BAG6: variants seen among roughly 807,000 people sequenced by gnomAD.
The protein encoded by BAG6 is large proline-rich protein BAG6.
Under a neutral mutation model 121.0 loss-of-function variants are expected in BAG6, and 22 were observed. That is an observed-to-expected ratio of 0.18 (90% CI 0.13 to 0.26). The LOEUF (loss-of-function observed/expected upper bound fraction) is 0.26, where lower values mean the gene tolerates loss of function less well. BAG6 is among the 10% of genes least tolerant of loss of function. The pLI is 1.00. For missense variants in BAG6, 1,233 were observed against 1,537.7 expected (o/e 0.80, Z 3.31); for synonymous variants, 583 against 584.6 (o/e 1.00, Z 0.04).
In BAG6 at chr6:31,641,184, G is replaced by A. The variant is rs760481358; in HGVS notation, c.2707C>T (p.Leu903=). 1 of 1,613,912 alleles carries A rather than the reference G, an allele frequency of 6.2e-7. No individual in the cohort carries two copies. Among genetic ancestry groups the A allele is most frequent in the South Asian group, 1.1e-5 (1 of 91,082 alleles). ...ARLLELCNQG[L]FECLALNLHC... ...AGGTTTAGGGCCAGGCATTCAAACA[G>A]GCCTTGGTTACACAACTCCAGCAAC... The change falls in exon 20 of 26, where the codon CTG becomes TTG. Residue 903 remains leucine (L), a synonymous_variant. Transcript: ENST00000676615. This position sits in a 1 kb window ranked among gnomAD's most constrained non-coding sequence, Gnocchi z 5.7.
Position 31,643,075 on chromosome 6 carries a change from G to A in BAG6, c.1797C>T (p.Ala599=). The A allele has an allele frequency of 6.3e-7, 1 of 1,586,552 alleles. No individual in the cohort carries two copies. The highest frequency in any genetic ancestry group is 2.3e-5 in the East Asian group (1 of 44,178). ...TPGMAPPPAP[A]TASASAGTTN... is the part of the protein sequence containing the mutation. Reference sequence around the variant, plus strand: ...TGGTGCCAGCACTGGCAGAAGCAGTGGCAGGGGCTGGCGGTGGAGCCATAC... The same window carrying A: ...TGGTGCCAGCACTGGCAGAAGCAGTAGCAGGGGCTGGCGGTGGAGCCATAC... Residue 599 remains alanine, a synonymous_variant, in exon 15 of 26, where the codon GCC becomes GCT. Coordinates refer to ENST00000676615, the MANE Select transcript of BAG6 (RefSeq NM_001387994.1).
chr6:31,648,568 T>G, intron 6 of BAG6, 109 bp downstream of exon 6: 1 of 1,064,652 alleles, frequency 9.4e-7, no homozygotes, highest in Non-Finnish European at 1.4e-6. Flanking sequence ...GAAGACTAGA[T>G]TATGAAGGCC....
intron 2 of BAG6, among the ~76,000 whole-genome samples, chr6:31,650,119 A>T (rs1041465395): frequency 6.6e-6 from 1 of 151,944 alleles, no homozygotes; most frequent in Non-Finnish European, 1.5e-5. Context: ...AAATAAATAA[A>T]CTTAATGAAG....
chr6:31,648,985 G>C (rs753306286), intron 4 of BAG6, 21 bp from the exon 5 acceptor site: 1 of 1,522,690 alleles, frequency 6.6e-7, no homozygotes, highest in Non-Finnish European at 8.8e-7. Flanking sequence ...GGTAAGGGAA[G>C]TTGTTCTGGG....
Position 31,645,510 on chromosome 6 carries a change from C to T in BAG6, c.1013G>A (p.Arg338His), listed in dbSNP as rs1788111352. ...TGGGGGCGTGCAGGCCAGATTGCAG[C>T]GCAGGTCAGACAGTGCAACAAAGGT... Reference protein sequence around the residue: ...GNTFVALSDLRCNLACTPPRH... With the variant: ...GNTFVALSDLHCNLACTPPRH... Residue 338 changes from arginine to histidine, a missense_variant, in exon 9 of 26, where the codon CGC (arginine) becomes CAC (histidine). Physicochemically the swap from Arg to His is conservative, Grantham distance 29. Transcript: ENST00000676615. 1.2e-5 allele frequency: 20 copies of T among 1,613,134 alleles called. No individual in the cohort carries two copies. The highest frequency in any genetic ancestry group is 2.2e-5 in the East Asian group (1 of 44,882).
chr6:31,647,339 C>T (rs188320968), intron 7 of BAG6, among the ~76,000 whole-genome samples: 4 of 152,342 alleles, frequency 2.6e-5, no homozygotes, highest in Admixed American at 2.6e-4. Flanking sequence ...TTCGTGAACT[C>T]AGAGGAGAAT....
At chr6:31,639,391 CAA>C in intron 25 of BAG6, 107 bp downstream of exon 25, 1 of 1,523,564 alleles carries the variant, frequency 6.6e-7, no homozygotes, top group Non-Finnish European at 8.9e-7. Flanking sequence ...AAGGGGAAAA[CAA>C]ATGGTAGCAC....
At chr6:31,650,703 C>G (rs936643592) in intron 2 of BAG6, among the ~76,000 whole-genome samples, 1 of 151,458 alleles carries the variant, frequency 6.6e-6, no homozygotes, top group African/African-American at 2.4e-5. Context: ...AATATTTTTC[C>G]TAACTACAAA....
chr6:31,650,543 T>C (rs1795285110), intron 2 of BAG6, among the ~76,000 whole-genome samples: 1 of 151,408 alleles, frequency 6.6e-6, no homozygotes. Context: ...GCGTCGTCTG[T>C]AATCCCAGAT....
rs751684052 is a variant in BAG6 at position 31,645,126 on chromosome 6, G to A, written c.1189C>T (p.Pro397Ser). The A allele has an allele frequency of 1.8e-4, 284 of 1,612,910 alleles. No homozygotes were observed. The highest frequency in any genetic ancestry group is 2.4e-4 in the Non-Finnish European group (279 of 1,180,038). ...GAGGCCTGCCCAGGACCAGGGGGAG[G>A]TGCCTCTGCATTGGGAGTTGGGGGG... ...RPPPTPNAEA[P>S]PPGPGQASSV... Residue 397 changes from proline to serine, a missense_variant, in exon 10 of 26, where the codon CCT becomes TCT. Coordinates refer to ENST00000676615, the MANE Select transcript of BAG6 (RefSeq NM_001387994.1).
intron 6 of BAG6, among the ~76,000 whole-genome samples, chr6:31,648,414 A>C (rs1302841331): frequency 6.6e-6 from 1 of 152,134 alleles, no homozygotes; most frequent in East Asian, 1.9e-4. Flanking sequence ...ACAAGTTAAG[A>C]GAGTAGAATC....
At chr6:31,648,819 C>T in intron 5 of BAG6, 68 bp from the exon 6 acceptor site, 1 of 1,599,380 alleles carries the variant, frequency 6.3e-7, no homozygotes, top group Non-Finnish European at 8.5e-7. Context: ...CCTACTAAAT[C>T]AGGTCCCAGC....
chr6:31,648,374 T>C (rs1355836657), intron 6 of BAG6, among the ~76,000 whole-genome samples: 1 of 152,024 alleles, frequency 6.6e-6, no homozygotes, highest in Non-Finnish European at 1.5e-5. Flanking sequence ...TGTGGTTTCC[T>C]TTCCTCCACA....
At position 31,640,863 on chromosome 6, in the gene BAG6, C is replaced by T; in HGVS notation, c.2863G>A (p.Val955Ile). The T allele has an allele frequency of 1.2e-5, 19 of 1,612,672 alleles. No homozygotes were observed. Among genetic ancestry groups the T allele is most frequent in the Non-Finnish European group, 1.6e-5 (19 of 1,180,016 alleles). ...TTMMGLRLQV[V>I]LEHMPVGPDA... ...GGGCCTACAGGCATGTGCTCCAGTA[C>T]CACCTGAAGCCTCAGTCCCATCATA... Residue 955 changes from valine (V) to isoleucine (I), a missense_variant, in exon 21 of 26, where the codon GTA becomes ATA. Coordinates refer to ENST00000676615, the MANE Select transcript of BAG6 (RefSeq NM_001387994.1). This position sits in a 1 kb window ranked among gnomAD's most constrained non-coding sequence, Gnocchi z 4.2.
rs1202671076 is a variant in BAG6, at chr6:31,649,265, C to T, written c.357G>A (p.Gly119=). The T allele has an allele frequency of 1.2e-6, 2 of 1,612,946 alleles. No homozygotes were observed. The highest frequency in any genetic ancestry group is 1.6e-4 in the Middle Eastern group (1 of 6,084). Reference sequence around the variant, plus strand: ...TCCGGTCATGAACAGAGGCCCCAGGCCCCCGAGTACCAGGGGGGGATCCCC... The same window carrying T: ...TCCGGTCATGAACAGAGGCCCCAGGTCCCCGAGTACCAGGGGGGGATCCCC... The part of the protein sequence containing the change: ...HGGGSPPGTR[G]PGASVHDRNA... Residue 119 remains glycine, a synonymous_variant, in exon 4 of 26, where the codon GGG becomes GGA. Coordinates refer to ENST00000676615, the MANE Select transcript of BAG6 (RefSeq NM_001387994.1).
Position 31,641,883 on chromosome 6 carries a change from G to A in BAG6, c.2398C>T (p.Leu800Phe). 1.2e-6 allele frequency: 2 copies of A among 1,612,990 alleles called. No individual in the cohort carries two copies. The highest frequency in any genetic ancestry group is 1.7e-6 in the Non-Finnish European group (2 of 1,180,024). Reference protein sequence around the residue: ...QNFSMVDVVMLLHGHFQPLQR... With the variant: ...QNFSMVDVVMFLHGHFQPLQR... ...AGTGGCTGGAAATGCCCATGGAGAA[G>A]CATCACTACGTCCACCATAGAGAAG... is the stretch of plus-strand genomic sequence containing the variant. Residue 800 changes from leucine (L) to phenylalanine (F), a missense_variant, in exon 17 of 26, where the codon CTT (leucine) becomes TTT (phenylalanine). Physicochemically the swap from Leu to Phe is conservative, Grantham distance 22. Around this residue, in one of 7 missense-constraint regions of BAG6, gnomAD observed 288 missense variants for 483.1 expected, o/e 0.60. Coordinates refer to ENST00000676615, the MANE Select transcript of BAG6 (RefSeq NM_001387994.1). The surrounding 1 kb of genome is among the most constrained non-coding windows in gnomAD (Gnocchi z 5.7).
chr6:31,640,170 A>C lies in BAG6; in HGVS notation c.3246+29T>G. Reference sequence around the variant, plus strand: ...GCATGACGGGGAAACCTGGATAGAGAGAGAGGCTTAGGGAAGAGGAAAACC... The same window carrying C: ...GCATGACGGGGAAACCTGGATAGAGCGAGAGGCTTAGGGAAGAGGAAAACC... On this transcript the variant is annotated intron_variant, in intron 24 of 25. Transcript: ENST00000676615. This position sits in a 1 kb window ranked among gnomAD's most constrained non-coding sequence, Gnocchi z 4.2. 2 of 1,602,244 alleles carry C rather than the reference A, an allele frequency of 1.2e-6. No individual in the cohort carries two copies. The highest frequency in any genetic ancestry group is 1.7e-5 in the Admixed American group (1 of 59,992).
chr6:31,651,894 ATT>A, intron 1 of BAG6, 118 bp from the exon 2 acceptor site: 1 of 667,112 alleles, frequency 1.5e-6, no homozygotes, highest in Non-Finnish European at 2.7e-6. Flanking sequence ...ACACACACAC[ATT>A]CACACCTGTC....
In BAG6 at chr6:31,640,723, C is replaced by T. The variant is rs757083601; in HGVS notation, c.2935-19G>A. On this transcript the variant is annotated intron_variant, in intron 21 of 25. Coordinates refer to ENST00000676615, the MANE Select transcript of BAG6 (RefSeq NM_001387994.1). The surrounding 1 kb of genome is among the most constrained non-coding windows in gnomAD (Gnocchi z 4.2). The stretch of plus-strand genomic sequence containing the variant: ...GAAGTGGCTGTGAAATTAAAGAACA[C>T]CATACTTCCTCTCAGATCTCTCCAG... 1 of 1,612,976 alleles carries T rather than the reference C, an allele frequency of 6.2e-7. No individual in the cohort carries two copies. The highest frequency in any genetic ancestry group is 2.2e-5 in the East Asian group (1 of 44,886).
Sources: allele counts gnomAD v4.1 joint callset (sites outside exome capture counted in the v4.1 genomes callset), GRCh38; gene constraint gnomAD v4.1.1; regional missense constraint gnomAD v4.1.1; non-coding constraint Gnocchi (gnomAD v3.1); transcripts MANE v1.5; gene names NCBI Gene and HGNC (gene_info 2026-07-23, HGNC 2026-07-21).